Variants in ADORA1 observed in about 807,000 individuals in gnomAD.
ADORA1 encodes the protein adenosine receptor A1.
A neutral mutation model predicts 19.9 loss-of-function variants in ADORA1; 6 were observed. The observed-to-expected ratio is 0.30, with a 90% CI of 0.17 to 0.59. ADORA1 has a LOEUF of 0.59. Among genes scored for constraint, ADORA1 ranks in the 20% least tolerant of loss-of-function variants. The pLI is 0.87. For missense variants in ADORA1, 302 were observed against 439.2 expected (o/e 0.69, Z 2.79); for synonymous variants, 194 against 188.4 (o/e 1.03, Z -0.24).
chr1:203,163,647 G>T (rs777903900), intron 3 of ADORA1, among the ~76,000 whole-genome samples: 3 of 152,078 alleles, frequency 2.0e-5, no homozygotes, highest in African/African-American at 4.8e-5. Context: ...GATTCCAAAG[G>T]TCTCTTCTAG....
At chr1:203,155,831 C>T (rs1018800235) in intron 3 of ADORA1, among the ~76,000 whole-genome samples, 11 of 152,206 alleles carry the variant, frequency 7.2e-5, no homozygotes, top group Non-Finnish European at 1.3e-4. Flanking sequence ...GCAGTGGATC[C>T]CCTACAGCTC....
At chr1:203,160,643 A>G (rs1655333851) in intron 3 of ADORA1, among the ~76,000 whole-genome samples, 1 of 152,140 alleles carries the variant, frequency 6.6e-6, no homozygotes, top group Non-Finnish European at 1.5e-5. Context: ...TGAGACCCCC[A>G]TCTCTACAAA....
intron 3 of ADORA1, among the ~76,000 whole-genome samples, chr1:203,136,159 C>T (rs1396595621): frequency 6.6e-6 from 1 of 152,162 alleles, no homozygotes; most frequent in Non-Finnish European, 1.5e-5. Flanking sequence ...CCTCAGCCTT[C>T]TTAATTCAAG....
At chr1:203,163,560 A>T (rs923220446) in intron 3 of ADORA1, among the ~76,000 whole-genome samples, 3 of 152,132 alleles carry the variant, frequency 2.0e-5, no homozygotes, top group Non-Finnish European at 4.4e-5. Context: ...AGAGTAGGAG[A>T]GGGGAACTGC....
intron 3 of ADORA1, chr1:203,144,937 C>T (rs1409397078): frequency 2.6e-5 from 4 of 152,262 alleles, no homozygotes; most frequent in Admixed American, 6.5e-5. Context: ...TGCAGAGGCC[C>T]CAGAGCCACC....
At chr1:203,153,027 C>T (rs936475764) in intron 3 of ADORA1, among the ~76,000 whole-genome samples, 4 of 152,166 alleles carry the variant, frequency 2.6e-5, no homozygotes, top group Non-Finnish European at 5.9e-5. Context: ...CCTCTGAAGC[C>T]CCCTCCGGAT....
chr1:203,156,882 C>A (rs12757371), intron 3 of ADORA1, among the ~76,000 whole-genome samples: 5 of 152,154 alleles, frequency 3.3e-5, no homozygotes, highest in Non-Finnish European at 7.4e-5. Flanking sequence ...TCTGTGGTAA[C>A]AAAACTAATC....
intron 3 of ADORA1, chr1:203,152,633 G>T (rs1265157361): frequency 6.6e-6 from 1 of 151,954 alleles, no homozygotes; most frequent in Non-Finnish European, 1.5e-5. Context: ...AGCAGGTGGG[G>T]CTAATTGGCC....
chr1:203,164,873 T>C (rs1456131862), intron 3 of ADORA1, among the ~76,000 whole-genome samples: 1 of 152,168 alleles, frequency 6.6e-6, no homozygotes, highest in Non-Finnish European at 1.5e-5. Context: ...CAGTCCTCAT[T>C]CTGCCGGTGA....
chr1:203,151,510 T>C (rs962637134), intron 3 of ADORA1, among the ~76,000 whole-genome samples: 5 of 152,210 alleles, frequency 3.3e-5, no homozygotes, highest in African/African-American at 1.2e-4. Flanking sequence ...GTTTTGTATC[T>C]CTTCAAGGGT....
chr1:203,153,175 G>C (rs1055073869), intron 3 of ADORA1, among the ~76,000 whole-genome samples: 5 of 152,158 alleles, frequency 3.3e-5, no homozygotes, highest in Non-Finnish European at 5.9e-5. Context: ...ACCTTTGAGT[G>C]GGGGAGCTGG....
intron 3 of ADORA1, among the ~76,000 whole-genome samples, chr1:203,161,635 G>C (rs377158392): frequency 6.7e-6 from 1 of 150,076 alleles, no homozygotes; most frequent in East Asian, 2.0e-4. Flanking sequence ...GCAATGGCGC[G>C]ATCTTGGCTC....
intron 3 of ADORA1, among the ~76,000 whole-genome samples, chr1:203,130,766 G>A (rs1416224088): frequency 1.3e-5 from 2 of 152,224 alleles, no homozygotes; most frequent in African/African-American, 2.4e-5. Context: ...CAAAGGTCCC[G>A]TCTTGCTGTG....
At position 203,128,412 on chromosome 1, in the gene ADORA1, T is replaced by C. The variant is rs200787574; in HGVS notation, c.-78T>C. On this transcript the variant is annotated 5_prime_UTR_variant, in exon 2 of 4. Transcript: ENST00000337894. The surrounding 1 kb of genome is among the most constrained non-coding windows in gnomAD (Gnocchi z 5.9). ...CTTTGGGCACTGCCTCTGGGACCCCTGCCGGCCAGCAGGCAGGATGGTGAG... is the reference window on the plus strand; with the variant it reads ...CTTTGGGCACTGCCTCTGGGACCCCCGCCGGCCAGCAGGCAGGATGGTGAG... 5 of 1,292,260 alleles carry C rather than the reference T, an allele frequency of 3.9e-6. No individual in the cohort carries two copies. The highest frequency in any genetic ancestry group is 2.3e-5 in the Admixed American group (1 of 43,626). 80.0% of individuals were successfully genotyped at this position (1,292,260 alleles called of 1,614,324 possible). A position where few individuals can be genotyped will look rare whatever the true frequency, so the allele number is the denominator to read the frequency against.
Position 203,129,051 on chromosome 1 carries a change from C to T in ADORA1, c.210C>T (p.Asn70=), listed in dbSNP as rs556203229. ...ALVIPLAILI[N]IGPQTYFHTC... is the part of the protein sequence containing the mutation. ...TCATCCCCCTCGCCATCCTCATCAA[C>T]ATTGGGCCACAGACCTACTTCCACA... Residue 70 remains asparagine (N), a synonymous_variant, in exon 3 of 4, where the codon AAC becomes AAT. Transcript: ENST00000337894. The T allele has an allele frequency of 1.2e-6, 2 of 1,614,172 alleles. No homozygotes were observed. The highest frequency in any genetic ancestry group is 2.2e-5 in the South Asian group (2 of 91,082).
intron 3 of ADORA1, among the ~76,000 whole-genome samples, chr1:203,139,033 G>A (rs1411303524): frequency 6.6e-6 from 1 of 152,138 alleles, no homozygotes; most frequent in Non-Finnish European, 1.5e-5. Context: ...TGGCCAGCCT[G>A]GTCTCAAACT....
intron 3 of ADORA1, among the ~76,000 whole-genome samples, chr1:203,135,247 C>A (rs1416439118): frequency 6.6e-6 from 1 of 152,184 alleles, no homozygotes; most frequent in Non-Finnish European, 1.5e-5. Context: ...ATTTGAATAT[C>A]ATATTTTATT....
chr1:203,143,222 C>T (rs919342912), intron 3 of ADORA1, among the ~76,000 whole-genome samples: 9 of 152,166 alleles, frequency 5.9e-5, no homozygotes, highest in Non-Finnish European at 1.3e-4. Context: ...CTGATGAGGG[C>T]CTCCTTGCTG....
chr1:203,137,761 C>T (rs1654557663), intron 3 of ADORA1, among the ~76,000 whole-genome samples: 1 of 152,062 alleles, frequency 6.6e-6, no homozygotes, highest in South Asian at 2.1e-4. Context: ...ATACCACTAC[C>T]CCGATCAATA....
Sources: allele counts gnomAD v4.1 joint callset (sites outside exome capture counted in the v4.1 genomes callset), GRCh38; gene constraint gnomAD v4.1.1; non-coding constraint Gnocchi (gnomAD v3.1); transcripts MANE v1.5; gene names NCBI Gene and HGNC (gene_info 2026-07-23, HGNC 2026-07-21).